ADAMTS18: variants seen among roughly 807,000 people sequenced by gnomAD.
ADAMTS18 encodes the protein A disintegrin and metalloproteinase with thrombospondin motifs 18.
A neutral mutation model predicts 165.9 loss-of-function variants in ADAMTS18; 157 were observed. That is an observed-to-expected ratio of 0.95 (90% CI 0.83 to 1.08). The LOEUF is 1.08. Ranked by LOEUF, ADAMTS18 falls within the 50% of genes least tolerant of loss-of-function variation. ADAMTS18 has a pLI of 0.00. For missense variants in ADAMTS18, 2,040 were observed against 1,534.0 expected (o/e 1.33, Z -5.51); for synonymous variants, 782 against 578.2 (o/e 1.35, Z -5.06).
intron 12 of ADAMTS18, among the ~76,000 whole-genome samples, chr16:77,334,657 A>G (rs1448319059): frequency 8.8e-6 from 1 of 112,996 alleles, no homozygotes; most frequent in African/African-American, 3.6e-5. Flanking sequence ...TACACTATAT[A>G]CTGTATATAG....
chr16:77,333,499 A>G (rs536279946), intron 12 of ADAMTS18, among the ~76,000 whole-genome samples: 2 of 151,492 alleles, frequency 1.3e-5, no homozygotes, highest in African/African-American at 4.9e-5. Flanking sequence ...TACCAAAAAA[A>G]AAAAAATAAA....
Position 77,434,920 on chromosome 16 carries a change from G to C in ADAMTS18, c.-225C>G, listed in dbSNP as rs965407570. On this transcript the variant is annotated 5_prime_UTR_variant, in exon 1 of 23. Transcript: ENST00000282849. ...GCGGGCCTGCCGAGCTGCAGTTTGC[G>C]GCACCCCAGAGGGTACGGGGGGCTC... 2 of 393,572 alleles carry C rather than the reference G, an allele frequency of 5.1e-6. No individual in the cohort carries two copies. The highest frequency in any genetic ancestry group is 8.6e-5 in the East Asian group (2 of 23,214). The allele number at this position is 393,572 out of a possible 1,614,324, so 24.4% of individuals were successfully genotyped here. A position where few individuals can be genotyped will look rare whatever the true frequency, so the allele number is the denominator to read the frequency against.
chr16:77,410,880 A>C (rs143129174), intron 3 of ADAMTS18, among the ~76,000 whole-genome samples: 264 of 152,296 alleles, frequency 1.7e-3, no homozygotes, highest in Middle Eastern at 0.01. Context: ...AATCATTCTA[A>C]AACCTTCCTT....
chr16:77,353,995 T>C (rs2056593503), intron 9 of ADAMTS18, 109 bp from the exon 10 acceptor site: 11 of 1,299,594 alleles, frequency 8.5e-6, no homozygotes, highest in South Asian at 7.1e-5. Context: ...AGCATGGTTC[T>C]AGAAACAGGT....
chr16:77,411,409 C>A (rs528770092), intron 3 of ADAMTS18, among the ~76,000 whole-genome samples: 1 of 152,120 alleles, frequency 6.6e-6, no homozygotes, highest in African/African-American at 2.4e-5. Flanking sequence ...ACCTGCTTGG[C>A]GCTTGAGACA....
chr16:77,375,890 CTTTTTTTTTTTTTTTTT>C (rs200629744), intron 3 of ADAMTS18, among the ~76,000 whole-genome samples: 3 of 93,902 alleles, frequency 3.2e-5, no homozygotes, highest in Admixed American at 1.1e-4. Context: ...TCTTTCTTTC[CTTTTTTTTTTTTTTTTT>C]TTTTTTTTTT....
At chr16:77,292,677 G>C (rs140601737) in intron 20 of ADAMTS18, among the ~76,000 whole-genome samples, 3 of 152,234 alleles carry the variant, frequency 2.0e-5, no homozygotes, top group Non-Finnish European at 4.4e-5. Flanking sequence ...CTTGATCAAT[G>C]TGGGGGTGCT....
chr16:77,385,920 C>T (rs776107932), intron 3 of ADAMTS18, among the ~76,000 whole-genome samples: 5 of 152,142 alleles, frequency 3.3e-5, no homozygotes, highest in Admixed American at 2.0e-4. Context: ...TGCAGTCCAT[C>T]CCCCTGATTT....
intron 22 of ADAMTS18, among the ~76,000 whole-genome samples, chr16:77,285,259 G>A (rs555629269): frequency 9.2e-5 from 14 of 152,070 alleles, no homozygotes; most frequent in Non-Finnish European, 1.3e-4. Context: ...TGCATCCTCC[G>A]CCTCATGTAT....
intron 16 of ADAMTS18, among the ~76,000 whole-genome samples, chr16:77,312,504 C>T (rs532082135): frequency 5.6e-4 from 86 of 152,306 alleles, no homozygotes; most frequent in Non-Finnish European, 1.1e-3. Context: ...TCCCAAAGTG[C>T]TGGGATTGCA....
At position 77,434,784 on chromosome 16, in the gene ADAMTS18, T is replaced by TA; in HGVS notation, c.-90_-89insT. The TA allele has an allele frequency of 8.6e-7, 1 of 1,157,264 alleles. No individual in the cohort carries two copies. The highest frequency in any genetic ancestry group is 1.1e-6 in the Non-Finnish European group (1 of 898,276). 71.7% of individuals were successfully genotyped at this position (1,157,264 alleles called of 1,614,324 possible). A position where few individuals can be genotyped will look rare whatever the true frequency, so the allele number is the denominator to read the frequency against. On this transcript the variant is annotated 5_prime_UTR_variant, in exon 1 of 23. Coordinates refer to ENST00000282849, the MANE Select transcript of ADAMTS18 (RefSeq NM_199355.4). The stretch of plus-strand genomic sequence containing the variant: ...CGCATTCTTTCCGCGGCCCCGGAGC[T>TA]CGGCGCCCCAGGTGCGGCTCCAGGT...
At chr16:77,316,255 T>A (rs1198032715) in intron 16 of ADAMTS18, among the ~76,000 whole-genome samples, 1 of 59,328 alleles carries the variant, frequency 1.7e-5, no homozygotes, top group African/African-American at 6.0e-5. Context: ...AGCAGCCTGG[T>A]TGAATTTTTT....
chr16:77,289,485 A>G (rs1356765701), intron 21 of ADAMTS18, 74 bp from the exon 22 acceptor site: 2 of 1,549,908 alleles, frequency 1.3e-6, no homozygotes, highest in Non-Finnish European at 1.8e-6. Context: ...AGGAATTCCC[A>G]TGCTTCATGA....
chr16:77,370,883 A>G (rs1442774088), intron 3 of ADAMTS18, among the ~76,000 whole-genome samples: 2 of 152,180 alleles, frequency 1.3e-5, no homozygotes, highest in African/African-American at 4.8e-5. Flanking sequence ...AACACTGATG[A>G]AACAAATTGA....
chr16:77,386,310 T>C (rs944250143), intron 3 of ADAMTS18, among the ~76,000 whole-genome samples: 1 of 152,180 alleles, frequency 6.6e-6, no homozygotes, highest in African/African-American at 2.4e-5. Flanking sequence ...ACTTGGACTT[T>C]AGGATCCAAA....
chr16:77,333,803 T>C (rs1339228415), intron 12 of ADAMTS18, among the ~76,000 whole-genome samples: 2 of 147,998 alleles, frequency 1.4e-5, no homozygotes, highest in East Asian at 2.0e-4. Context: ...CTAGATAGTA[T>C]AGTACAGATA....
chr16:77,316,106 T>C (rs1027791641), intron 16 of ADAMTS18, among the ~76,000 whole-genome samples: 1 of 152,192 alleles, frequency 6.6e-6, no homozygotes, highest in Non-Finnish European at 1.5e-5. Flanking sequence ...TCTACCATAA[T>C]ACACTGCAAA....
At chr16:77,400,904 G>A (rs1279789286) in intron 3 of ADAMTS18, among the ~76,000 whole-genome samples, 1 of 151,158 alleles carries the variant, frequency 6.6e-6, no homozygotes, top group Non-Finnish European at 1.5e-5. Flanking sequence ...TGCTTCCTGG[G>A]ATCACCTCCC....
intron 10 of ADAMTS18, among the ~76,000 whole-genome samples, chr16:77,345,177 A>G (rs1286757058): frequency 6.6e-6 from 1 of 152,164 alleles, no homozygotes; most frequent in Admixed American, 6.5e-5. Flanking sequence ...ATACCCCTTC[A>G]AGTAAAACCT....
Sources: allele counts gnomAD v4.1 joint callset (sites outside exome capture counted in the v4.1 genomes callset), GRCh38; gene constraint gnomAD v4.1.1; transcripts MANE v1.5; gene names NCBI Gene and HGNC (gene_info 2026-07-23, HGNC 2026-07-21).